The following COL4A5 variants were observed in gnomAD, a reference collection of about 807,000 sequenced individuals.
COL4A5 encodes collagen alpha-5(IV) chain.
A neutral mutation model predicts 130.2 loss-of-function variants in COL4A5; 26 were observed. The observed-to-expected ratio is 0.20, with a 90% CI of 0.15 to 0.28. The LOEUF (loss-of-function observed/expected upper bound fraction) is 0.28, where lower values mean the gene tolerates loss of function less well. COL4A5 is among the 10% of genes least tolerant of loss of function. The pLI is 1.00. For missense variants in COL4A5, 1,131 were observed against 1,344.3 expected (o/e 0.84, Z 2.48); for synonymous variants, 496 against 439.6 (o/e 1.13, Z -1.60).
intron 1 of COL4A5, among the ~76,000 whole-genome samples, chrX:108,515,215 GACTTTTTCCTA>G (rs1176498569): frequency 9.0e-6 from 1 of 111,713 alleles, no homozygotes; most frequent in African/African-American, 3.2e-5. Context: ...CAGAAACTAT[GACTTTTTCCTA>G]ACTTAGGAAG....
In COL4A5 at chrX:108,591,201, C is replaced by G. The variant is rs1407318030; in HGVS notation, c.1309C>G (p.Pro437Ala). The change falls in exon 20 of 53, where the codon CCT (proline) becomes GCT (alanine). Residue 437 changes from proline to alanine, a missense_variant. By Grantham distance (27) the Pro-to-Ala change is conservative. Transcript: ENST00000328300. ...QPGAPGLPGPPGPAGPHIPPS... is the reference protein window; with the variant it reads ...QPGAPGLPGPAGPAGPHIPPS... The stretch of plus-strand genomic sequence containing the variant: ...TGGGGCTCCTGGGCTTCCAGGGCCT[C>G]CTGGCCCTGCTGGCCCTCACATTCC... The G allele has an allele frequency of 8.3e-7, 1 of 1,209,944 alleles. No individual in the cohort carries two copies.
intron 42 of COL4A5, among the ~76,000 whole-genome samples, chrX:108,673,408 C>T (rs1403352560): frequency 9.0e-6 from 1 of 111,618 alleles, no homozygotes; most frequent in Non-Finnish European, 1.9e-5. Context: ...CATAGCAAAA[C>T]TTGTAAGAAA....
At chrX:108,677,410 AT>A (rs2068325062) in intron 43 of COL4A5, 89 bp from the exon 44 acceptor site, 3 of 914,717 alleles carry the variant, frequency 3.3e-6, no homozygotes, top group Non-Finnish European at 4.6e-6. Flanking sequence ...CTGCAAACTA[AT>A]AGGAAGATGA....
intron 29 of COL4A5, among the ~76,000 whole-genome samples, chrX:108,611,078 C>A (rs1488353845): frequency 9.0e-6 from 1 of 111,014 alleles, no homozygotes; most frequent in Admixed American, 9.6e-5. Context: ...GTTCACCTAC[C>A]AAACACACAC....
At chrX:108,650,482 T>G (rs2067701878) in intron 36 of COL4A5, among the ~76,000 whole-genome samples, 1 of 111,771 alleles carries the variant, frequency 8.9e-6, no homozygotes, top group African/African-American at 3.3e-5. Context: ...ACACGCATGT[T>G]TATAGCAACA....
intron 1 of COL4A5, among the ~76,000 whole-genome samples, chrX:108,516,908 T>C (rs2065226049): frequency 9.0e-6 from 1 of 111,682 alleles, no homozygotes; most frequent in Admixed American, 9.6e-5. Flanking sequence ...TACGGTGCTA[T>C]TCTAATCTAA....
At chrX:108,666,343 A>G (rs1294340009) in intron 38 of COL4A5, among the ~76,000 whole-genome samples, 153 bp from the exon 39 acceptor site, 2 of 112,266 alleles carry the variant, frequency 1.8e-5, no homozygotes, top group South Asian at 3.7e-4. Context: ...CCTTATTTTC[A>G]TTATCCTCCT....
At chrX:108,640,259 C>T (rs866367854) in intron 36 of COL4A5, among the ~76,000 whole-genome samples, 1 of 111,306 alleles carries the variant, frequency 9.0e-6, no homozygotes, top group Middle Eastern at 4.7e-3. Context: ...ACTTTGAAGC[C>T]GTTATGCTAA....
At chrX:108,582,771 C>G in intron 16 of COL4A5, 113 bp from the exon 17 acceptor site, 1 of 431,429 alleles carries the variant, frequency 2.3e-6, no homozygotes, top group Admixed American at 2.9e-5. Flanking sequence ...AAAGTTAATT[C>G]TGACTGACCA....
intron 1 of COL4A5, among the ~76,000 whole-genome samples, chrX:108,498,262 C>T (rs1301657750): frequency 9.0e-6 from 1 of 111,032 alleles, no homozygotes; most frequent in African/African-American, 3.3e-5. Flanking sequence ...TTTCCTTTCC[C>T]AGTGAACTTT....
chrX:108,531,540 A>G (rs2065386274), intron 1 of COL4A5, among the ~76,000 whole-genome samples: 1 of 110,126 alleles, frequency 9.1e-6, no homozygotes, highest in African/African-American at 3.3e-5. Flanking sequence ...AATGCACCTC[A>G]AGGAACTAGA....
At chrX:108,513,742 G>T (rs1569479671) in intron 1 of COL4A5, among the ~76,000 whole-genome samples, 1 of 110,884 alleles carries the variant, frequency 9.0e-6, no homozygotes, top group Non-Finnish European at 1.9e-5. Context: ...ACTTTTTGTG[G>T]TTTTTCCTGT....
At chrX:108,508,551 T>G (rs1453855333) in intron 1 of COL4A5, among the ~76,000 whole-genome samples, 1 of 58,723 alleles carries the variant, frequency 1.7e-5, no homozygotes, top group Non-Finnish European at 3.0e-5. Context: ...TAAATTCATG[T>G]AGGACCAAAA....
At chrX:108,480,206 C>G (rs192154296) in intron 1 of COL4A5, among the ~76,000 whole-genome samples, 105 of 112,094 alleles carry the variant, frequency 9.4e-4, no homozygotes, top group African/African-American at 2.9e-3. Flanking sequence ...CCAAATAGGC[C>G]CACTAGGCGT....
At chrX:108,467,738 G>T (rs181460264) in intron 1 of COL4A5, among the ~76,000 whole-genome samples, 35 of 111,536 alleles carry the variant, frequency 3.1e-4, no homozygotes, top group Non-Finnish European at 5.7e-5. Flanking sequence ...ATTCCTAGGT[G>T]TGTTTTATTC....
At chrX:108,501,840 T>A (rs1164393662) in intron 1 of COL4A5, among the ~76,000 whole-genome samples, 1 of 112,532 alleles carries the variant, frequency 8.9e-6, no homozygotes, top group African/African-American at 3.2e-5. Context: ...GACTCTTTTT[T>A]TTGGTCATCC....
At chrX:108,473,634 T>TATATATATATATATA (rs1556359558) in intron 1 of COL4A5, among the ~76,000 whole-genome samples, 3 of 22,919 alleles carry the variant, frequency 1.3e-4, no homozygotes, top group African/African-American at 2.1e-4. Flanking sequence ...TATATATATA[T>TATATATATATATATA]TTTTTTTTTT....
intron 1 of COL4A5, among the ~76,000 whole-genome samples, chrX:108,452,351 A>T (rs2064526375): frequency 9.0e-6 from 1 of 111,603 alleles, no homozygotes; most frequent in Non-Finnish European, 1.9e-5. Flanking sequence ...GTTTTTTCCA[A>T]TTCTGTGAAG....
intron 28 of COL4A5, among the ~76,000 whole-genome samples, chrX:108,604,598 A>G (rs982672547): frequency 8.9e-6 from 1 of 112,104 alleles, no homozygotes; most frequent in African/African-American, 3.2e-5. Context: ...AATGGTACAT[A>G]AGCATTGGTT....
Sources: allele counts gnomAD v4.1 joint callset (sites outside exome capture counted in the v4.1 genomes callset), GRCh38; gene constraint gnomAD v4.1.1; transcripts MANE v1.5; gene names NCBI Gene and HGNC (gene_info 2026-07-23, HGNC 2026-07-21).